Variants in RBFOX2 observed in about 807,000 individuals in gnomAD.
The protein encoded by RBFOX2 is RNA binding fox-1 homolog 2.
Under a neutral mutation model 49.1 loss-of-function variants are expected in RBFOX2, and 10 were observed. The observed-to-expected ratio is 0.20, with a 90% confidence interval of 0.13 to 0.35. The LOEUF (loss-of-function observed/expected upper bound fraction) is 0.35. Ranked by LOEUF, RBFOX2 falls within the 10% of genes least tolerant of loss-of-function variation. The probability of loss-of-function intolerance (pLI) is 1.00; values close to 1 mark genes in which losing one functional copy is unlikely to be tolerated. For synonymous variants in RBFOX2, 183 were observed against 187.4 expected, an observed-to-expected ratio of 0.98 and a Z score of 0.19; for missense variants, 323 against 486.9, an observed-to-expected ratio of 0.66 and a Z score of 3.17.
intron 1 of RBFOX2, among the ~76,000 whole-genome samples, chr22:35,948,783 C>T (rs1348269313): frequency 6.6e-6 from 1 of 152,052 alleles, no homozygotes; most frequent in Non-Finnish European, 1.5e-5. Context: ...ATATTCTTTG[C>T]AGTTTCCTTT....
At chr22:35,811,898 C>T (rs992828953) in intron 1 of RBFOX2, among the ~76,000 whole-genome samples, 2 of 148,704 alleles carry the variant, frequency 1.3e-5, no homozygotes, top group African/African-American at 5.0e-5. Context: ...GAGCTGGAGG[C>T]TGCAGTGAGC....
At chr22:35,919,141 G>A (rs1431921492) in intron 1 of RBFOX2, among the ~76,000 whole-genome samples, 2 of 152,188 alleles carry the variant, frequency 1.3e-5, no homozygotes, top group Admixed American at 6.5e-5. Context: ...ATATTCTATT[G>A]AGTCTATTTA....
intron 1 of RBFOX2, chr22:35,898,419 C>CTTTTT (rs749708583): frequency 3.3e-4 from 93 of 277,910 alleles, no homozygotes; most frequent in South Asian, 8.4e-4. Flanking sequence ...TCCCACAATC[C>CTTTTT]TTTTTTTTTT....
chr22:35,893,396 CT>C (rs1265893472), intron 1 of RBFOX2, among the ~76,000 whole-genome samples: 1 of 152,196 alleles, frequency 6.6e-6, no homozygotes, highest in African/African-American at 2.4e-5. Context: ...TCACTGTCTG[CT>C]TTCATCAAAC....
At chr22:35,932,607 G>A (rs981573815) in intron 1 of RBFOX2, among the ~76,000 whole-genome samples, 8 of 152,186 alleles carry the variant, frequency 5.3e-5, no homozygotes, top group South Asian at 2.1e-4. Context: ...TGGGCCCCGC[G>A]TGGTGGTTCA....
chr22:35,835,105 C>T (rs918270347), intron 1 of RBFOX2, among the ~76,000 whole-genome samples: 2 of 152,070 alleles, frequency 1.3e-5, no homozygotes, highest in Admixed American at 1.3e-4. Context: ...GTATTTACTG[C>T]AGGGGAGCCT....
intron 1 of RBFOX2, among the ~76,000 whole-genome samples, chr22:35,956,378 T>C (rs997607559): frequency 3.3e-5 from 5 of 151,968 alleles, no homozygotes; most frequent in African/African-American, 1.2e-4. Context: ...TTTTTTTTAA[T>C]TAAGACAGGG....
chr22:35,930,310 T>A (rs2052235233), intron 1 of RBFOX2, among the ~76,000 whole-genome samples: 1 of 151,940 alleles, frequency 6.6e-6, no homozygotes, highest in South Asian at 2.1e-4. Flanking sequence ...CGTGAGCCAC[T>A]GCGCTGGCCA....
intron 1 of RBFOX2, among the ~76,000 whole-genome samples, chr22:35,914,526 T>C (rs1256639805): frequency 6.6e-6 from 1 of 152,222 alleles, no homozygotes; most frequent in African/African-American, 2.4e-5. Context: ...TTCAATGCAA[T>C]GTACCTCGCC....
chr22:35,975,730 T>C (rs1301491428), intron 1 of RBFOX2, among the ~76,000 whole-genome samples: 2 of 152,084 alleles, frequency 1.3e-5, no homozygotes, highest in Admixed American at 1.3e-4. Flanking sequence ...AAAAATCAAA[T>C]TTTCATGTTG....
chr22:35,903,199 A>T (rs2048777268), intron 1 of RBFOX2, among the ~76,000 whole-genome samples: 1 of 151,968 alleles, frequency 6.6e-6, no homozygotes, highest in Admixed American at 6.6e-5. Flanking sequence ...ATTTTCTTCA[A>T]TCTACTCAAA....
intron 1 of RBFOX2, among the ~76,000 whole-genome samples, chr22:35,967,562 T>A (rs1450430772): frequency 1.3e-5 from 2 of 152,196 alleles, no homozygotes; most frequent in Non-Finnish European, 2.9e-5. Flanking sequence ...CTACAAGAGA[T>A]GAAAATGGTA....
intron 6 of RBFOX2, among the ~76,000 whole-genome samples, chr22:35,764,137 A>G (rs750500182): frequency 2.0e-5 from 3 of 152,248 alleles, no homozygotes; most frequent in Non-Finnish European, 4.4e-5. Flanking sequence ...AATGCAAATT[A>G]TGCTGATAAA....
At chr22:35,960,649 C>T (rs2056095711) in intron 1 of RBFOX2, among the ~76,000 whole-genome samples, 1 of 152,152 alleles carries the variant, frequency 6.6e-6, no homozygotes, top group Non-Finnish European at 1.5e-5. Flanking sequence ...AGAGCCTAAA[C>T]CCATGACTTT....
chr22:35,834,797 C>T (rs998184789), intron 1 of RBFOX2, among the ~76,000 whole-genome samples: 2 of 152,056 alleles, frequency 1.3e-5, no homozygotes, highest in Non-Finnish European at 2.9e-5. Flanking sequence ...AGAGAGACAG[C>T]CAGGTTCCTG....
chr22:35,916,097 A>G (rs1292711233), intron 1 of RBFOX2, among the ~76,000 whole-genome samples: 1 of 152,242 alleles, frequency 6.6e-6, no homozygotes, highest in East Asian at 1.9e-4. Context: ...TGCTCAGCAA[A>G]TTAACTACTC....
chr22:35,798,020 G>A (rs1278011260), intron 2 of RBFOX2, among the ~76,000 whole-genome samples: 2 of 152,102 alleles, frequency 1.3e-5, no homozygotes, highest in Non-Finnish European at 2.9e-5. Flanking sequence ...TTGTTGCCCA[G>A]GCTGGAGTAC....
intron 1 of RBFOX2, among the ~76,000 whole-genome samples, chr22:35,852,428 G>GATC: frequency 6.6e-6 from 1 of 150,754 alleles, no homozygotes; most frequent in East Asian, 1.9e-4. Flanking sequence ...TACTAGGGAG[G>GATC]ATCATTTGGG....
At chr22:35,775,943 C>T (rs1943818870) in intron 4 of RBFOX2, among the ~76,000 whole-genome samples, 2 of 151,764 alleles carry the variant, frequency 1.3e-5, no homozygotes, top group South Asian at 4.2e-4. Flanking sequence ...GATCAATTTC[C>T]TTTGCTTCAC....
Sources: gnomAD v4.1 joint callset for allele counts (sites outside exome capture counted in the v4.1 genomes callset) on GRCh38, gnomAD v4.1.1 for gene constraint, MANE v1.5 for transcripts, NCBI Gene and HGNC (gene_info 2026-07-23, HGNC 2026-07-21) for gene names.